Variants in N4BP2L2 observed in about 807,000 individuals in gnomAD.
The protein encoded by N4BP2L2 is NEDD4 binding protein 2 like 2.
In N4BP2L2, 50 loss-of-function variants were observed where a neutral mutation model predicts 56.2. That is an observed-to-expected ratio of 0.89 (90% CI 0.71 to 1.13). N4BP2L2 has a LOEUF of 1.13. Among genes scored for constraint, N4BP2L2 ranks in the 50% most tolerant of loss-of-function variants. The pLI is 0.00. For missense variants in N4BP2L2, 689 were observed against 693.8 expected (o/e 0.99, Z 0.08); for synonymous variants, 203 against 223.6 (o/e 0.91, Z 0.82).
chr13:32,459,758 C>G (rs2079666879), intron 6 of N4BP2L2, among the ~76,000 whole-genome samples: 1 of 152,024 alleles, frequency 6.6e-6, no homozygotes, highest in African/African-American at 2.4e-5. Context: ...TCTCCTAAAA[C>G]TATTCCAAAA....
In N4BP2L2 at chr13:32,444,987, G is replaced by A. The variant is rs767923580; in HGVS notation, c.366-861C>T. 3.9e-5 allele frequency among the ~76,000 whole-genome samples: 6 copies of A among 152,288 alleles called. No homozygotes were observed. The East Asian group carries it at 7.7e-4, about 20-fold the overall frequency. On this transcript the variant is annotated intron_variant, in intron 6 of 9. Transcript: ENST00000357505. ...CTAGAGGCCAGGCATGGTGGCTCAC[G>A]CCTGTAATCCCACGACTTTGGGAAG...
chr13:32,494,698 G>A (rs1593853812), intron 6 of N4BP2L2, among the ~76,000 whole-genome samples: 1 of 152,212 alleles, frequency 6.6e-6, no homozygotes, highest in East Asian at 1.9e-4. Flanking sequence ...CCCGGGAGGC[G>A]GAGCTTGCAG....
rs60854435 is a variant in N4BP2L2, at chr13:32,481,118, CAAAAAAAAAAAAAA to C, written c.365+36725_365+36738del. Among the ~76,000 whole-genome samples, 10 of 20,714 alleles carry C rather than the reference CAAAAAAAAAAAAAA, an allele frequency of 4.8e-4. 1 individual carries two copies. Among genetic ancestry groups the C allele is most frequent in the African/African-American group, 9.3e-4 (5 of 5,400 alleles). 13.6% of individuals were successfully genotyped at this position (20,714 alleles called of 152,430 possible). A position where few individuals can be genotyped will look rare whatever the true frequency, so the allele number is the denominator to read the frequency against. ...TCAGCAACAGAGTGAGACTCTGTCT[CAAAAAAAAAAAAAA>C]AAAAAAAAAAAAAAAAGGATTGCAC... is the stretch of plus-strand genomic sequence containing the variant. On this transcript the variant is annotated intron_variant, in intron 6 of 9. Coordinates refer to the N4BP2L2 transcript ENST00000357505.
intron 7 of N4BP2L2, among the ~76,000 whole-genome samples, chr13:32,439,055 A>G (rs918687623): frequency 2.0e-5 from 3 of 152,204 alleles, no homozygotes; most frequent in Non-Finnish European, 2.9e-5. Context: ...TTTCAAGTAC[A>G]TGCCATTTCC....
chr13:32,478,322 C>T, intron 6 of N4BP2L2: 1 of 259,310 alleles, frequency 3.9e-6, no homozygotes, highest in South Asian at 4.7e-5. Context: ...TGAGAATGGT[C>T]ATCCCACAAA....
chr13:32,538,546 G>A, intron 1 of N4BP2L2, 72 bp downstream of exon 1: 1 of 840,418 alleles, frequency 1.2e-6, no homozygotes, highest in Non-Finnish European at 1.4e-6. Flanking sequence ...AATCTAAACA[G>A]TCCAGTCAAG....
exon 2 of N4BP2L2, chr13:32,536,429 T>C: frequency 6.2e-7 from 1 of 1,613,898 alleles, no homozygotes; most frequent in Non-Finnish European, 8.5e-7. Flanking sequence ...AAATTGTTCC[T>C]GAGAAGGTTC....
At position 32,452,992 on chromosome 13, in the gene N4BP2L2, C is replaced by A. The variant is rs563600623; in HGVS notation, c.366-8866G>T. ...TGTTATTCTTGGTTGGGCACAGTGG[C>A]TCACATCTGTAATCCCAGCACTTTG... On this transcript the variant is annotated intron_variant, in intron 6 of 9. Coordinates refer to the N4BP2L2 transcript ENST00000357505. Among the ~76,000 whole-genome samples, 252 of 152,318 alleles carry A rather than the reference C, an allele frequency of 1.7e-3. 4 individuals are homozygous for A. The South Asian group carries it at 0.028, about 17-fold the overall frequency.
At chr13:32,505,942 A>T (rs2090873280), downstream of N4BP2L2, 1 of 152,198 alleles carries the variant, frequency 6.6e-6, no homozygotes, top group South Asian at 2.1e-4. Flanking sequence ...TCTACCCATT[A>T]TCTAGTTCTA....
At chr13:32,451,882 T>C (rs746660301) in intron 6 of N4BP2L2, among the ~76,000 whole-genome samples, 1 of 152,018 alleles carries the variant, frequency 6.6e-6, no homozygotes, top group Non-Finnish European at 1.5e-5. Context: ...TGGGTAGTCC[T>C]AGAATGGTAA....
At chr13:32,537,006 C>T in exon 2 of N4BP2L2, 1 of 1,578,522 alleles carries the variant, frequency 6.3e-7, no homozygotes, top group Non-Finnish European at 8.6e-7. Context: ...AAGAATTTAC[C>T]TTCAATTTCA....
Position 32,536,447 on chromosome 13 carries a change from T to C in N4BP2L2, c.581A>G (p.Lys194Arg), listed in dbSNP as rs2056577782. The C allele has an allele frequency of 5.6e-6, 9 of 1,613,268 alleles. No individual in the cohort carries two copies. The South Asian group carries it at 6.6e-5, about 12-fold the overall frequency. ...TTGTTCCTGAGAAGGTTCAGATTCT[T>C]TACAACTGTTCTCAAAACCATCTTT... Residue 194 changes from lysine to arginine, a missense_variant, in exon 2 of 6, where the codon AAA (lysine) becomes AGA (arginine). Physicochemically the swap from Lys to Arg is conservative, Grantham distance 26 (BLOSUM62 2). Coordinates refer to ENST00000267068, the Ensembl canonical transcript of N4BP2L2.
rs753657851 is a variant in N4BP2L2, at chr13:32,442,742, CAA to C, written c.1748_1749del (p.Phe583CysfsTer4). The C allele has an allele frequency of 4.3e-6, 7 of 1,612,988 alleles. No individual in the cohort carries two copies. Among genetic ancestry groups the C allele is most frequent in the Non-Finnish European group, 5.9e-6 (7 of 1,179,708 alleles). ...CAAATACTAGATAAATTATGTAGCACAAAAGAAGGAATATAATTTTTGTATAA... is the reference window on the plus strand; with the variant it reads ...CAAATACTAGATAAATTATGTAGCACAAGAAGGAATATAATTTTTGTATAA... On this transcript the variant is annotated frameshift_variant, in exon 7 of 10. Transcript: ENST00000357505. LOFTEE classifies it high-confidence loss of function.
intron 6 of N4BP2L2, among the ~76,000 whole-genome samples, chr13:32,497,748 A>C (rs1361733848): frequency 6.6e-6 from 1 of 152,210 alleles, no homozygotes; most frequent in Non-Finnish European, 1.5e-5. Context: ...CTGCCCTGAC[A>C]GGCTGCCTGA....
At chr13:32,458,754 A>G (rs2079448117) in intron 6 of N4BP2L2, among the ~76,000 whole-genome samples, 1 of 152,218 alleles carries the variant, frequency 6.6e-6, no homozygotes, top group African/African-American at 2.4e-5. Context: ...ATTAACAAAA[A>G]ACATAAGATT....
intron 2 of N4BP2L2, 109 bp from the exon 3 acceptor site, chr13:32,527,641 T>A: frequency 8.0e-7 from 1 of 1,256,580 alleles, no homozygotes. Context: ...CAGGAAAGGT[T>A]ATTAAATGGA....
chr13:32,463,207 G>A (rs544401375), intron 6 of N4BP2L2, among the ~76,000 whole-genome samples: 2 of 152,126 alleles, frequency 1.3e-5, no homozygotes, highest in African/African-American at 4.8e-5. Context: ...CAGCAGGCTT[G>A]AGCAGGCAGA....
chr13:32,513,734 T>C (rs760546004), exon 6 of N4BP2L2: 84 of 152,120 alleles, frequency 5.5e-4, no homozygotes, highest in Admixed American at 1.6e-3. Flanking sequence ...AAAACACTGT[T>C]CAATGTGGAT....
intron 2 of N4BP2L2, among the ~76,000 whole-genome samples, chr13:32,531,895 G>A (rs575671013): frequency 6.6e-6 from 1 of 152,254 alleles, no homozygotes; most frequent in African/African-American, 2.4e-5. Context: ...ATGTTTCCTT[G>A]CCTTTTCCAG....
Sources: allele counts gnomAD v4.1 joint callset (sites outside exome capture counted in the v4.1 genomes callset), GRCh38; gene constraint gnomAD v4.1.1; transcripts MANE v1.5; gene names NCBI Gene and HGNC (gene_info 2026-07-23, HGNC 2026-07-21).